The following ERICH3 variants were observed in gnomAD, a reference collection of about 807,000 sequenced individuals.
The protein encoded by ERICH3 is glutamate rich 3.
In ERICH3, 126 loss-of-function variants were observed where a neutral mutation model predicts 131.1. That is an observed-to-expected ratio of 0.96 (90% CI 0.83 to 1.11). The LOEUF (loss-of-function observed/expected upper bound fraction) is 1.11, where lower values mean the gene tolerates loss of function less well. Ranked by LOEUF, ERICH3 falls within the 50% of genes most tolerant of loss-of-function variation. ERICH3 has a pLI of 0.00. For missense variants in ERICH3, 2,050 were observed against 1,810.7 expected (o/e 1.13, Z -2.40); for synonymous variants, 695 against 644.6 (o/e 1.08, Z -1.18).
At chr1:74,587,715 C>T (rs1284343241) in intron 12 of ERICH3, among the ~76,000 whole-genome samples, 1 of 152,100 alleles carries the variant, frequency 6.6e-6, no homozygotes, top group Non-Finnish European at 1.5e-5. Flanking sequence ...TTTCTATTGA[C>T]CTTTAACACC....
chr1:74,597,833 A>G (rs1012532080), intron 11 of ERICH3, among the ~76,000 whole-genome samples: 9 of 151,998 alleles, frequency 5.9e-5, no homozygotes, highest in Non-Finnish European at 8.8e-5. Flanking sequence ...AGAAAAACCT[A>G]TTTTAAAATT....
At chr1:74,582,748 A>G (rs901358547) in intron 12 of ERICH3, among the ~76,000 whole-genome samples, 3 of 152,184 alleles carry the variant, frequency 2.0e-5, no homozygotes, top group Non-Finnish European at 2.9e-5. Flanking sequence ...TTACTAAACA[A>G]AAAACATTCT....
upstream of ERICH3, among the ~76,000 whole-genome samples, chr1:74,673,969 T>G (rs945850800): frequency 2.0e-5 from 3 of 151,970 alleles, no homozygotes; most frequent in African/African-American, 7.2e-5. Context: ...CACCCACACA[T>G]TTTGGCTGGC....
At chr1:74,590,242 T>G (rs974583957) in intron 11 of ERICH3, among the ~76,000 whole-genome samples, 162 bp from the exon 12 acceptor site, 6 of 152,198 alleles carry the variant, frequency 3.9e-5, no homozygotes, top group African/African-American at 1.4e-4. Context: ...TCCCCAATCT[T>G]TTTTATACCA....
intron 14 of ERICH3, 52 bp downstream of exon 14, chr1:74,571,047 C>G (rs1646931894): frequency 6.5e-7 from 1 of 1,543,726 alleles, no homozygotes; most frequent in Non-Finnish European, 8.7e-7. Context: ...GGGGAGGAGA[C>G]CCACCGCAGG....
intron 10 of ERICH3, among the ~76,000 whole-genome samples, chr1:74,600,695 T>A (rs1184660928): frequency 6.6e-6 from 1 of 151,810 alleles, no homozygotes; most frequent in Non-Finnish European, 1.5e-5. Context: ...TGGTTATAAT[T>A]TTTCACCTTT....
chr1:74,673,584 C>T lies in ERICH3; in HGVS notation c.-65G>A. 1 of 1,574,398 alleles carries T rather than the reference C, an allele frequency of 6.4e-7. No individual in the cohort carries two copies. The highest frequency in any genetic ancestry group is 8.7e-7 in the Non-Finnish European group (1 of 1,155,310). ...GGGTGGGTGCGTGGGGCCCCGTGCG[C>T]GCTGGCGCTGCGACAGTCGCGCTCG... On this transcript the variant is annotated 5_prime_UTR_variant, in exon 1 of 15. Transcript: ENST00000326665.
At position 74,573,237 on chromosome 1, in the gene ERICH3, A is replaced by G; in HGVS notation, c.2473T>C (p.Phe825Leu). Reference protein sequence around the residue: ...TAEQPELAEEFTEKREIPPGI... With the variant: ...TAEQPELAEELTEKREIPPGI... ...GGAGGGATCTCCCTTTTTTCTGTAA[A>G]CTCTTCTGCCAATTCTGGCTGCTCT... The change falls in exon 14 of 15, where the codon TTT becomes CTT. Residue 825 changes from phenylalanine to leucine, a missense_variant. Coordinates refer to ENST00000326665, the MANE Select transcript of ERICH3 (RefSeq NM_001002912.5). 6.2e-7 allele frequency: 1 copy of G among 1,602,832 alleles called. No homozygotes were observed. The highest frequency in any genetic ancestry group is 8.5e-7 in the Non-Finnish European group (1 of 1,175,718).
At chr1:74,591,934 A>C (rs898017159) in intron 11 of ERICH3, 5 of 151,958 alleles carry the variant, frequency 3.3e-5, no homozygotes, top group African/African-American at 9.7e-5. Flanking sequence ...TCCATTTGGC[A>C]GCTGTACCGA....
chr1:74,663,865 G>A (rs944344678), intron 1 of ERICH3, among the ~76,000 whole-genome samples: 11 of 151,984 alleles, frequency 7.2e-5, no homozygotes, highest in African/African-American at 2.4e-4. Flanking sequence ...TTGGCTTTCT[G>A]TTACTTTCAG....
intron 12 of ERICH3, among the ~76,000 whole-genome samples, chr1:74,586,120 T>A (rs537470450): frequency 6.6e-6 from 1 of 152,040 alleles, no homozygotes; most frequent in Non-Finnish European, 1.5e-5. Context: ...AAACTATGAG[T>A]TCTTACACAG....
chr1:74,662,494 T>C lies in ERICH3; in HGVS notation c.23+11003A>G, dbSNP rs188412204. Among the ~76,000 whole-genome samples the C allele has an allele frequency of 4.4e-3, 672 of 152,144 alleles. 3 individuals are homozygous for C. The highest frequency in any genetic ancestry group is 0.015 in the African/African-American group (636 of 41,526). ...TGTTCAAACTCATTTTTATAAAGGCTTAGGAGATGATCAGAAATAAATCTG... is the reference window on the plus strand; with the variant it reads ...TGTTCAAACTCATTTTTATAAAGGCCTAGGAGATGATCAGAAATAAATCTG... On this transcript the variant is annotated intron_variant, in intron 1 of 14. Coordinates refer to ENST00000326665, the MANE Select transcript of ERICH3 (RefSeq NM_001002912.5).
chr1:74,584,021 A>C (rs1200261253), intron 12 of ERICH3, among the ~76,000 whole-genome samples: 2 of 152,186 alleles, frequency 1.3e-5, no homozygotes, highest in African/African-American at 2.4e-5. Flanking sequence ...TGCCCAACTT[A>C]TTCCAAGTTC....
At position 74,590,084 on chromosome 1, in the gene ERICH3, C is replaced by T; in HGVS notation, c.1727-4G>A. ...GTTGATGAAGCAGTTTTCATATCTA[C>T]AAAAAATAAAAGTGATGACATTGTT... On this transcript the variant is annotated splice_polypyrimidine_tract_variant and splice_region_variant and intron_variant, in intron 11 of 14. Coordinates refer to ENST00000326665, the MANE Select transcript of ERICH3 (RefSeq NM_001002912.5). 1 of 1,567,638 alleles carries T rather than the reference C, an allele frequency of 6.4e-7. No individual in the cohort carries two copies.
Position 74,589,827 on chromosome 1 carries a change from T to C in ERICH3, c.1980A>G (p.Pro660=). 1 of 1,614,146 alleles carries C rather than the reference T, an allele frequency of 6.2e-7. No individual in the cohort carries two copies. The highest frequency in any genetic ancestry group is 8.5e-7 in the Non-Finnish European group (1 of 1,179,978). ...TKADVETKPM[P]IDESFENVLK... ...GAACATTCTCAAAGCTTTCGTCTAT[T>C]GGCATCGGCTTGGTCTCCACATCTG... Residue 660 remains proline (P), a synonymous_variant, in exon 12 of 15, where the codon CCA becomes CCG. Transcript: ENST00000326665.
intron 12 of ERICH3, among the ~76,000 whole-genome samples, chr1:74,582,304 A>G (rs1297340665): frequency 6.6e-6 from 1 of 152,176 alleles, no homozygotes; most frequent in African/African-American, 2.4e-5. Flanking sequence ...CAAACACAAG[A>G]TAGCTCCTGA....
intron 8 of ERICH3, among the ~76,000 whole-genome samples, chr1:74,614,249 T>C (rs1324537698): frequency 6.6e-6 from 1 of 152,046 alleles, no homozygotes; most frequent in Non-Finnish European, 1.5e-5. Context: ...TGATGCATCT[T>C]TTTTCTCCAA....
rs141229411 is a variant in ERICH3, at chr1:74,631,724, G to C, written c.808C>G (p.Leu270Val). The C allele has an allele frequency of 6.8e-5, 110 of 1,610,716 alleles. No individual in the cohort carries two copies. In the Middle Eastern group the frequency reaches 9.9e-4, roughly 15 times the overall value. ...PTTAPNGLEP[L>V]LTKDSRRIHK... ...TGTTCCATAATCACCTTTGTCAAAAGAGGTTCTAAGCCATTTGGAGCAGTG... is the reference window on the plus strand; with the variant it reads ...TGTTCCATAATCACCTTTGTCAAAACAGGTTCTAAGCCATTTGGAGCAGTG... Residue 270 changes from leucine (L) to valine (V), a missense_variant, in exon 7 of 15, where the codon CTT (leucine) becomes GTT (valine). Physicochemically the swap from Leu to Val is conservative, Grantham distance 32. Coordinates refer to ENST00000326665, the MANE Select transcript of ERICH3 (RefSeq NM_001002912.5).
chr1:74,666,434 C>G (rs901070806), intron 1 of ERICH3, among the ~76,000 whole-genome samples: 2 of 150,416 alleles, frequency 1.3e-5, no homozygotes, highest in Admixed American at 1.3e-4. Context: ...AATCCTAATA[C>G]TGAAAGAGTC....
Sources: allele counts gnomAD v4.1 joint callset (sites outside exome capture counted in the v4.1 genomes callset), GRCh38; gene constraint gnomAD v4.1.1; transcripts MANE v1.5; gene names NCBI Gene and HGNC (gene_info 2026-07-23, HGNC 2026-07-21).